Variants in ADCK1 observed in about 807,000 individuals in gnomAD.
ADCK1 encodes aarF domain-containing protein kinase 1.
In ADCK1, 41 loss-of-function variants were observed where a neutral mutation model predicts 52.3. That is an observed-to-expected ratio of 0.78 (90% CI 0.61 to 1.02). ADCK1 has a LOEUF of 1.02. ADCK1 is among the 50% of genes least tolerant of loss of function. The probability of loss-of-function intolerance (pLI) is 0.00; values close to 1 mark genes in which losing one functional copy is unlikely to be tolerated. For synonymous variants in ADCK1, 250 were observed against 274.6 expected (o/e 0.91, Z 0.89); for missense variants, 658 against 679.5 (o/e 0.97, Z 0.35).
chr14:77,829,396 G>T (rs559259087), intron 3 of ADCK1, among the ~76,000 whole-genome samples: 2 of 150,694 alleles, frequency 1.3e-5, no homozygotes, highest in African/African-American at 4.8e-5. Context: ...CTGGGCTTAA[G>T]CTATCCTCCC....
Position 77,874,411 on chromosome 14 carries a change from T to C in ADCK1, c.424-12680T>C, listed in dbSNP as rs143627916. Reference sequence around the variant, plus strand: ...GGAGGAGGTGAGAGGTGAGCAGGACTTCAGTGTGGTCAAGAGGAGAATGTA... The same window carrying C: ...GGAGGAGGTGAGAGGTGAGCAGGACCTCAGTGTGGTCAAGAGGAGAATGTA... On this transcript the variant is annotated intron_variant, in intron 4 of 10. Coordinates refer to ENST00000238561, the MANE Select transcript of ADCK1 (RefSeq NM_020421.4). Among the ~76,000 whole-genome samples the C allele has an allele frequency of 2.9e-3, 448 of 152,198 alleles. 4 individuals carry two copies. The highest frequency in any genetic ancestry group is 0.01 in the African/African-American group (434 of 41,514).
At chr14:77,884,584 G>A (rs1179729804) in intron 4 of ADCK1, among the ~76,000 whole-genome samples, 6 of 152,150 alleles carry the variant, frequency 3.9e-5, no homozygotes, top group Admixed American at 2.0e-4. Flanking sequence ...ACCTAAGCAG[G>A]AAAAGGAATC....
intron 3 of ADCK1, among the ~76,000 whole-genome samples, chr14:77,838,657 C>A (rs2082007255): frequency 6.6e-6 from 1 of 152,194 alleles, no homozygotes; most frequent in African/African-American, 2.4e-5. Context: ...CTTGGCCTAC[C>A]AAGCTGCTGG....
chr14:77,928,592 G>C (rs1192152687), intron 9 of ADCK1, among the ~76,000 whole-genome samples: 1 of 151,960 alleles, frequency 6.6e-6, no homozygotes, highest in African/African-American at 2.4e-5. Flanking sequence ...CTTCTGAGTA[G>C]CTGGGATTAC....
chr14:77,933,550 C>T lies in ADCK1; in HGVS notation c.*159C>T, dbSNP rs994749875. 2.4e-6 allele frequency: 2 copies of T among 817,840 alleles called. No homozygotes were observed. The highest frequency in any genetic ancestry group is 3.8e-6 in the Non-Finnish European group (2 of 520,352). 50.7% of individuals were successfully genotyped at this position (817,840 alleles called of 1,614,324 possible). A position where few individuals can be genotyped will look rare whatever the true frequency, so the allele number is the denominator to read the frequency against. On this transcript the variant is annotated 3_prime_UTR_variant, in exon 11 of 11. Transcript: ENST00000238561. ...CTCCTCCTTTGGAATCCTCTCCGCA[C>T]ACTGTGGCCCTTGTCTCAGGGCCCA...
intron 9 of ADCK1, among the ~76,000 whole-genome samples, chr14:77,927,867 C>T (rs2084233187): frequency 6.6e-6 from 1 of 152,210 alleles, no homozygotes; most frequent in South Asian, 2.1e-4. Flanking sequence ...GTCTTAAAAG[C>T]CACGGGAAGA....
At chr14:77,879,542 A>G (rs1402041668) in intron 4 of ADCK1, among the ~76,000 whole-genome samples, 1 of 152,148 alleles carries the variant, frequency 6.6e-6, no homozygotes, top group Non-Finnish European at 1.5e-5. Flanking sequence ...TGTTTCTAGC[A>G]GAGGGAGGAG....
chr14:77,850,493 G>A (rs999235189), intron 3 of ADCK1, among the ~76,000 whole-genome samples: 1 of 152,090 alleles, frequency 6.6e-6, no homozygotes. Flanking sequence ...GTGCATAAAT[G>A]TTTAGGATGG....
chr14:77,809,474 C>T (rs1172991783), intron 1 of ADCK1, among the ~76,000 whole-genome samples: 6 of 151,858 alleles, frequency 4.0e-5, no homozygotes, highest in African/African-American at 9.7e-5. Flanking sequence ...GGATTACAGA[C>T]GTCCACCACC....
At chr14:77,843,064 A>C (rs193257450) in intron 3 of ADCK1, among the ~76,000 whole-genome samples, 1 of 151,486 alleles carries the variant, frequency 6.6e-6, no homozygotes, top group Non-Finnish European at 1.5e-5. Flanking sequence ...TAATTAAAAA[A>C]TTTTTTTTGT....
intron 4 of ADCK1, among the ~76,000 whole-genome samples, chr14:77,876,986 G>A (rs369833940): frequency 2.6e-5 from 4 of 152,176 alleles, no homozygotes; most frequent in African/African-American, 4.8e-5. Context: ...AGGCCAAGGC[G>A]GGTGGATCAC....
chr14:77,926,304 C>T (rs2084192507), intron 9 of ADCK1, among the ~76,000 whole-genome samples: 1 of 152,174 alleles, frequency 6.6e-6, no homozygotes, highest in African/African-American at 2.4e-5. Flanking sequence ...TCCCACAAGA[C>T]CTCTGGGAAT....
chr14:77,850,427 T>C (rs2082258078), intron 3 of ADCK1, among the ~76,000 whole-genome samples: 1 of 152,224 alleles, frequency 6.6e-6, no homozygotes, highest in African/African-American at 2.4e-5. Flanking sequence ...ATTTTTCTGT[T>C]TCTCTTTGCA....
At chr14:77,876,792 G>A (rs1457339580) in intron 4 of ADCK1, among the ~76,000 whole-genome samples, 1 of 152,192 alleles carries the variant, frequency 6.6e-6, no homozygotes, top group Non-Finnish European at 1.5e-5. Context: ...TCCCAAGTGT[G>A]GACTTCGTCT....
chr14:77,891,733 G>GCCA (rs927260372), intron 5 of ADCK1, among the ~76,000 whole-genome samples: 1 of 152,080 alleles, frequency 6.6e-6, no homozygotes, highest in African/African-American at 2.4e-5. Context: ...GAGGCCTGAG[G>GCCA]CCACCACCCC....
At chr14:77,816,022 G>C (rs1389968743) in intron 1 of ADCK1, among the ~76,000 whole-genome samples, 4 of 152,024 alleles carry the variant, frequency 2.6e-5, no homozygotes, top group African/African-American at 9.7e-5. Flanking sequence ...GGCCAGGCTG[G>C]TCTGGAACTC....
At chr14:77,824,441 T>C (rs1394951483) in intron 3 of ADCK1, among the ~76,000 whole-genome samples, 3 of 150,220 alleles carry the variant, frequency 2.0e-5, no homozygotes, top group Non-Finnish European at 4.4e-5. Flanking sequence ...TCTTTCTTTT[T>C]TTTTTTTTTT....
intron 6 of ADCK1, among the ~76,000 whole-genome samples, chr14:77,907,270 G>T (rs528930243): frequency 6.6e-6 from 1 of 152,300 alleles, no homozygotes; most frequent in African/African-American, 2.4e-5. Flanking sequence ...TAGATGTTGG[G>T]TTAATATCCA....
intron 3 of ADCK1, among the ~76,000 whole-genome samples, chr14:77,830,927 G>A (rs1201600188): frequency 6.6e-6 from 1 of 152,182 alleles, no homozygotes; most frequent in African/African-American, 2.4e-5. Context: ...TGGACTACAA[G>A]TAATGGTTAA....
Sources: gnomAD v4.1 joint callset for allele counts (sites outside exome capture counted in the v4.1 genomes callset) on GRCh38, gnomAD v4.1.1 for gene constraint, MANE v1.5 for transcripts, NCBI Gene and HGNC (gene_info 2026-07-23, HGNC 2026-07-21) for gene names.